The following ANK2 variants were observed in gnomAD, a reference collection of about 807,000 sequenced individuals.
ANK2 encodes the protein ankyrin-2.
In ANK2, 83 loss-of-function variants were observed where a neutral mutation model predicts 360.5. The observed-to-expected ratio is 0.23, with a 90% CI of 0.19 to 0.28. The LOEUF is 0.28. Among genes scored for constraint, ANK2 ranks in the 10% least tolerant of loss-of-function variants. The probability of loss-of-function intolerance (pLI) is 1.00; values close to 1 mark genes in which losing one functional copy is unlikely to be tolerated. For synonymous variants in ANK2, 1,740 were observed against 1,759.5 expected (o/e 0.99, Z 0.28); for missense variants, 4,201 against 4,795.7 (o/e 0.88, Z 3.66).
chr4:112,795,401 G>T, the ANK2 span, among the ~76,000 whole-genome samples: 1 of 152,192 alleles, frequency 6.6e-6, no homozygotes, highest in Non-Finnish European at 1.5e-5. Flanking sequence ...CTCAGGTAAA[G>T]TGTATAAATA....
chr4:113,118,828 T>A (rs2095105641), intron 1 of ANK2, among the ~76,000 whole-genome samples: 2 of 152,208 alleles, frequency 1.3e-5, no homozygotes, highest in South Asian at 4.1e-4. Context: ...ATCTTTTTTA[T>A]CTTTTGTTCT....
the ANK2 span, among the ~76,000 whole-genome samples, chr4:112,719,119 A>T: frequency 6.6e-6 from 1 of 152,206 alleles, no homozygotes; most frequent in Non-Finnish European, 1.5e-5. Flanking sequence ...GTATTATTTC[A>T]TCCTCCCATC....
At position 113,330,341 on chromosome 4, in the gene ANK2, C is replaced by G. The variant is rs1300987037; in HGVS notation, c.2996C>G (p.Thr999Ser). 7.4e-6 allele frequency: 12 copies of G among 1,614,206 alleles called. No homozygotes were observed. Among genetic ancestry groups the G allele is most frequent in the Non-Finnish European group, 9.3e-6 (11 of 1,180,034 alleles). The change falls in exon 27 of 46, where the codon ACT becomes AGT. Residue 999 changes from threonine to serine, a missense_variant. This residue lies in a region of ANK2 where 1,268 missense variants were observed against 1,650.8 expected (regional missense o/e 0.77). Coordinates refer to ENST00000357077, the MANE Select transcript of ANK2 (RefSeq NM_001148.6). ...LRIIIPPRKC[T>S]APTRVTCRLV... is the part of the protein sequence containing the mutation. ...ATCATTATTCCACCTCGGAAATGTACTGCTCCAACGCGAGTCACCTGCCGA... is the reference window on the plus strand; with the variant it reads ...ATCATTATTCCACCTCGGAAATGTAGTGCTCCAACGCGAGTCACCTGCCGA...
intron 39 of ANK2, among the ~76,000 whole-genome samples, chr4:113,362,083 A>G (rs1015104323): frequency 7.2e-5 from 11 of 152,182 alleles, no homozygotes; most frequent in African/African-American, 2.7e-4. Flanking sequence ...TTACTGAATA[A>G]TATTCCTCAT....
At chr4:113,341,015 C>T (rs545778849) in intron 32 of ANK2, among the ~76,000 whole-genome samples, 1 of 152,160 alleles carries the variant, frequency 6.6e-6, no homozygotes, top group Admixed American at 6.5e-5. Context: ...GATTTAGTAA[C>T]GTTACCATAG....
chr4:112,783,994 G>A, the ANK2 span, among the ~76,000 whole-genome samples: 2 of 151,982 alleles, frequency 1.3e-5, no homozygotes, highest in East Asian at 3.9e-4. Context: ...CTCATACTCT[G>A]GCATACTATA....
intron 1 of ANK2, among the ~76,000 whole-genome samples, chr4:113,134,126 C>T (rs536304571): frequency 5.9e-5 from 9 of 151,824 alleles, no homozygotes; most frequent in East Asian, 1.9e-4. Flanking sequence ...GCATCAAGGC[C>T]GATTTCTAAG....
intron 1 of ANK2, among the ~76,000 whole-genome samples, chr4:112,832,105 G>C (rs775178992): frequency 1.3e-5 from 2 of 152,216 alleles, no homozygotes; most frequent in African/African-American, 4.8e-5. Flanking sequence ...AGGCTGGAGC[G>C]CAGTGCTACA....
chr4:112,728,309 A>G, the ANK2 span, among the ~76,000 whole-genome samples: 1 of 150,462 alleles, frequency 6.6e-6, no homozygotes, highest in Non-Finnish European at 1.5e-5. Flanking sequence ...AAAAAAAAAA[A>G]AAAAAAAAAA....
intron 2 of ANK2, among the ~76,000 whole-genome samples, chr4:112,960,375 C>G (rs1273076151): frequency 2.0e-5 from 3 of 151,230 alleles, no homozygotes; most frequent in Non-Finnish European, 2.9e-5. Flanking sequence ...CTTGTGGTAC[C>G]TAATTTCCAA....
intron 1 of ANK2, among the ~76,000 whole-genome samples, chr4:112,823,571 C>CAAAAA (rs34386421): frequency 7.0e-5 from 10 of 143,416 alleles, no homozygotes; most frequent in African/African-American, 2.3e-4. Flanking sequence ...AGAGGAAATG[C>CAAAAA]AAAAAAAAAA....
chr4:113,200,975 A>G (rs1369854172), intron 4 of ANK2, among the ~76,000 whole-genome samples: 1 of 152,146 alleles, frequency 6.6e-6, no homozygotes, highest in African/African-American at 2.4e-5. Flanking sequence ...AATATGGTAC[A>G]TGTACACCCA....
upstream of ANK2, among the ~76,000 whole-genome samples, chr4:113,046,789 G>T (rs2064588824): frequency 6.6e-6 from 1 of 152,176 alleles, no homozygotes. Context: ...GTCAAATTGA[G>T]AAGCCAAAAT....
chr4:113,108,046 A>G (rs1196995722), intron 1 of ANK2, among the ~76,000 whole-genome samples: 3 of 152,226 alleles, frequency 2.0e-5, no homozygotes, highest in Non-Finnish European at 4.4e-5. Flanking sequence ...TAAGTTGGAC[A>G]TTCGTTTACC....
At chr4:112,777,272 T>C in the ANK2 span, among the ~76,000 whole-genome samples, 2 of 152,184 alleles carry the variant, frequency 1.3e-5, no homozygotes. Flanking sequence ...AGAGTCTTGC[T>C]CTGTCGCTCA....
chr4:113,222,975 C>T (rs958518898), intron 4 of ANK2, among the ~76,000 whole-genome samples: 1 of 152,034 alleles, frequency 6.6e-6, no homozygotes, highest in African/African-American at 2.4e-5. Flanking sequence ...ATATTTTGTC[C>T]TTTTCCCTTA....
chr4:113,089,756 G>A (rs912635743), intron 1 of ANK2, among the ~76,000 whole-genome samples: 2 of 151,968 alleles, frequency 1.3e-5, no homozygotes, highest in African/African-American at 4.8e-5. Flanking sequence ...CCCGGGAGGC[G>A]GAAATTGCAG....
intron 1 of ANK2, among the ~76,000 whole-genome samples, chr4:112,879,640 G>A (rs1408644386): frequency 6.6e-6 from 1 of 152,154 alleles, no homozygotes; most frequent in Non-Finnish European, 1.5e-5. Context: ...CTAATGCAGA[G>A]GGTTTTTCGT....
rs568483670 is a variant in ANK2, at chr4:113,081,462, G to A, written c.84+31650G>A. Among the ~76,000 whole-genome samples, 7 of 152,144 alleles carry A rather than the reference G, an allele frequency of 4.6e-5. No homozygotes were observed. The East Asian group carries it at 7.7e-4, about 17-fold the overall frequency. ...CACGAATTCAACTGTCTTGATTCTC[G>A]TAGTATGACATTAGGAACCATTTAG... On this transcript the variant is annotated intron_variant, in intron 1 of 45. Coordinates refer to ENST00000357077, the MANE Select transcript of ANK2 (RefSeq NM_001148.6).
Sources: gnomAD v4.1 joint callset for allele counts (sites outside exome capture counted in the v4.1 genomes callset) on GRCh38, gnomAD v4.1.1 for gene constraint, gnomAD v4.1.1 regional missense constraint, MANE v1.5 for transcripts, NCBI Gene and HGNC (gene_info 2026-07-23, HGNC 2026-07-21) for gene names.